The following EYS variants were observed in gnomAD, a reference collection of about 807,000 sequenced individuals.
EYS encodes EGF-like photoreceptor maintenance factor, also known as protein eyes shut homolog.
EYS carries 250 observed loss-of-function variants against 282.1 expected under a neutral mutation model. That is an observed-to-expected ratio of 0.89 (90% CI 0.80 to 0.98). The LOEUF is 0.98. Ranked by LOEUF, EYS falls within the 50% of genes least tolerant of loss-of-function variation. EYS has a pLI of 0.00. For missense variants in EYS, 4,016 were observed against 3,709.0 expected, an observed-to-expected ratio of 1.08 and a Z score of -2.15; for synonymous variants, 1,355 against 1,282.9, an observed-to-expected ratio of 1.06 and a Z score of -1.20.
At chr6:64,913,194 A>G (rs539944437) in intron 15 of EYS, among the ~76,000 whole-genome samples, 3 of 152,262 alleles carry the variant, frequency 2.0e-5, no homozygotes, top group East Asian at 1.9e-4. Flanking sequence ...TATGTTAAGC[A>G]TCTGTTTTTG....
chr6:64,635,307 C>T (rs1051373175), intron 22 of EYS, among the ~76,000 whole-genome samples: 2 of 152,070 alleles, frequency 1.3e-5, no homozygotes, highest in Admixed American at 6.6e-5. Flanking sequence ...AATTGAATAC[C>T]CTTTATTTCC....
chr6:65,380,654 C>A (rs1450180091), intron 8 of EYS, among the ~76,000 whole-genome samples: 1 of 152,034 alleles, frequency 6.6e-6, no homozygotes, highest in Non-Finnish European at 1.5e-5. Flanking sequence ...TTCTGCTCAG[C>A]AAAAGAAACT....
rs189174429 is a variant in EYS, at chr6:63,781,695, A to T, written c.7724-3515T>A. On this transcript the variant is annotated intron_variant, in intron 39 of 42. Transcript: ENST00000503581. ...AAATATACAATCATGTCATCTGCAA[A>T]CAGGGACAATCTTACTTCCTCTTTT... Among the ~76,000 whole-genome samples, 7 of 152,312 alleles carry T rather than the reference A, an allele frequency of 4.6e-5. No homozygotes were observed. In the East Asian group the frequency reaches 1.3e-3, roughly 29 times the overall value.
intron 26 of EYS, among the ~76,000 whole-genome samples, chr6:64,572,082 C>T (rs1765744085): frequency 6.6e-6 from 1 of 152,046 alleles, no homozygotes; most frequent in Admixed American, 6.6e-5. Context: ...GCTTATCCAC[C>T]CAGTTGGCTT....
chr6:65,359,465 T>G (rs746399538), intron 8 of EYS, among the ~76,000 whole-genome samples: 1 of 152,018 alleles, frequency 6.6e-6, no homozygotes, highest in African/African-American at 2.4e-5. Context: ...GCTGATTTCT[T>G]ATTTCAGCAG....
chr6:65,381,167 G>A (rs563267766), intron 8 of EYS, among the ~76,000 whole-genome samples: 44 of 152,138 alleles, frequency 2.9e-4, no homozygotes, highest in African/African-American at 1.1e-3. Flanking sequence ...GCATGCACAC[G>A]TATGTTTATT....
intron 26 of EYS, among the ~76,000 whole-genome samples, chr6:64,492,869 C>T (rs1776779814): frequency 6.6e-6 from 1 of 151,270 alleles, no homozygotes; most frequent in South Asian, 2.1e-4. Flanking sequence ...TCAGTCAGTG[C>T]CTTCTCTGCT....
intron 12 of EYS, among the ~76,000 whole-genome samples, chr6:65,058,148 T>C (rs1256317895): frequency 6.6e-6 from 1 of 152,060 alleles, no homozygotes; most frequent in African/African-American, 2.4e-5. Flanking sequence ...CTGAATGTTA[T>C]TTGTTCATTT....
At chr6:64,931,533 T>C (rs1385082942) in intron 15 of EYS, among the ~76,000 whole-genome samples, 2 of 152,028 alleles carry the variant, frequency 1.3e-5, no homozygotes, top group South Asian at 4.1e-4. Context: ...GTTGTACATA[T>C]AAATATATAA....
chr6:65,447,008 T>C (rs9345629), intron 5 of EYS, among the ~76,000 whole-genome samples: 27,979 of 151,452 alleles, frequency 0.18, 3,225 homozygotes, highest in Middle Eastern at 0.29. Context: ...TAGATGATTG[T>C]ATAGCCTATC....
chr6:63,806,058 G>T, intron 37 of EYS, 132 bp downstream of exon 37: 2 of 718,762 alleles, frequency 2.8e-6, no homozygotes, highest in Non-Finnish European at 2.3e-6. Context: ...CATGCTCAAG[G>T]CAGAAAACAG....
At chr6:64,987,872 C>T (rs889248696) in intron 14 of EYS, among the ~76,000 whole-genome samples, 9 of 151,308 alleles carry the variant, frequency 5.9e-5, no homozygotes, top group Admixed American at 2.0e-4. Context: ...ACTCTAAACC[C>T]ACATGTATGT....
At chr6:64,497,889 T>C (rs574363689) in intron 26 of EYS, among the ~76,000 whole-genome samples, 39 of 152,184 alleles carry the variant, frequency 2.6e-4, no homozygotes, top group African/African-American at 9.4e-4. Context: ...TGAACAAAAA[T>C]AATGGTAATG....
At chr6:64,850,534 T>C (rs1431907148) in intron 19 of EYS, among the ~76,000 whole-genome samples, 1 of 151,936 alleles carries the variant, frequency 6.6e-6, no homozygotes, top group East Asian at 1.9e-4. Flanking sequence ...ATAGGCATAT[T>C]AGAAAGGGAA....
chr6:65,627,746 C>T (rs1766764399), intron 2 of EYS, among the ~76,000 whole-genome samples: 1 of 152,216 alleles, frequency 6.6e-6, no homozygotes, highest in African/African-American at 2.4e-5. Flanking sequence ...CGATGCTGCG[C>T]TCGATTTCTC....
intron 11 of EYS, among the ~76,000 whole-genome samples, chr6:65,309,644 G>A (rs1364629480): frequency 1.3e-5 from 2 of 152,078 alleles, no homozygotes; most frequent in African/African-American, 4.8e-5. Flanking sequence ...AACTGAATTC[G>A]AATCTTCGCT....
At chr6:64,143,065 G>A (rs554822945) in intron 31 of EYS, among the ~76,000 whole-genome samples, 1 of 152,312 alleles carries the variant, frequency 6.6e-6, no homozygotes, top group Non-Finnish European at 1.5e-5. Flanking sequence ...AAAGAAGCCA[G>A]TGGAAAAAGG....
chr6:63,935,199 G>C (rs1765020670), intron 35 of EYS, among the ~76,000 whole-genome samples: 1 of 152,220 alleles, frequency 6.6e-6, no homozygotes, highest in Non-Finnish European at 1.5e-5. Flanking sequence ...GCCTAAAGCA[G>C]GAGCTTGTCT....
chr6:65,477,650 T>A (rs1325601430), intron 5 of EYS, among the ~76,000 whole-genome samples: 2 of 152,202 alleles, frequency 1.3e-5, no homozygotes, highest in Admixed American at 6.5e-5. Context: ...TTACATTTTT[T>A]TCACTTTTAA....
Sources: allele counts gnomAD v4.1 joint callset (sites outside exome capture counted in the v4.1 genomes callset), GRCh38; gene constraint gnomAD v4.1.1; transcripts MANE v1.5; gene names NCBI Gene and HGNC (gene_info 2026-07-23, HGNC 2026-07-21).